Variants in EXT1 observed in about 807,000 individuals in gnomAD.
EXT1 encodes exostosin glycosyltransferase 1.
In EXT1, 20 loss-of-function variants were observed where a neutral mutation model predicts 82.5. The observed-to-expected ratio is 0.24, with a 90% CI of 0.17 to 0.35. EXT1 has a LOEUF of 0.35. Among genes scored for constraint, EXT1 ranks in the 10% least tolerant of loss-of-function variants. The probability of loss-of-function intolerance (pLI) is 1.00; values close to 1 mark genes in which losing one functional copy is unlikely to be tolerated. For synonymous variants in EXT1, 348 were observed against 350.8 expected, an observed-to-expected ratio of 0.99 and a Z score of 0.09; for missense variants, 757 against 936.5, an observed-to-expected ratio of 0.81 and a Z score of 2.50.
Position 118,045,104 on chromosome 8 carries a change from G to A in EXT1, c.962+64981C>T, listed in dbSNP as rs184121694. On this transcript the variant is annotated intron_variant, in intron 1 of 10. Transcript: ENST00000378204. Reference sequence around the variant, plus strand: ...TTCAACAAAACAAAAGCTTTCTAATGACCTTAAAACTCTAGAGTAGGAACA... The same window carrying A: ...TTCAACAAAACAAAAGCTTTCTAATAACCTTAAAACTCTAGAGTAGGAACA... 5.5e-4 allele frequency among the ~76,000 whole-genome samples: 84 copies of A among 152,284 alleles called. 1 individual carries two copies. Among genetic ancestry groups the A allele is most frequent in the Middle Eastern group, 3.4e-3 (1 of 294 alleles).
chr8:118,079,953 G>A (rs905912331), intron 1 of EXT1, among the ~76,000 whole-genome samples: 7 of 152,280 alleles, frequency 4.6e-5, no homozygotes, highest in Middle Eastern at 3.4e-3. Flanking sequence ...ATAAACTCAG[G>A]GAAGCCAGAT....
In EXT1 at chr8:117,996,839, A is replaced by G. The variant is rs1364303867; in HGVS notation, c.962+113246T>C. On this transcript the variant is annotated intron_variant, in intron 1 of 10. Coordinates refer to ENST00000378204, the MANE Select transcript of EXT1 (RefSeq NM_000127.3). ...CACAATTGAACACTCAATCTCTGTC[A>G]TTGAACATCTTAGCCCATTCTGGGC... 4.7e-4 allele frequency among the ~76,000 whole-genome samples: 71 copies of G among 152,220 alleles called. 2 individuals carry two copies. Among genetic ancestry groups the G allele is most frequent in the Non-Finnish European group, 1.2e-4 (8 of 68,046 alleles).
At chr8:117,880,736 G>A (rs569598196) in intron 1 of EXT1, among the ~76,000 whole-genome samples, 67 of 151,790 alleles carry the variant, frequency 4.4e-4, no homozygotes, top group Non-Finnish European at 7.1e-4. Context: ...GACTACAGGC[G>A]CCCGCCACCA....
At chr8:117,944,404 A>T (rs1256104470) in intron 1 of EXT1, among the ~76,000 whole-genome samples, 1 of 152,104 alleles carries the variant, frequency 6.6e-6, no homozygotes, top group Non-Finnish European at 1.5e-5. Flanking sequence ...AAAAACAAAT[A>T]AAAAAGTGAA....
At chr8:117,886,979 C>A (rs1280064389) in intron 1 of EXT1, among the ~76,000 whole-genome samples, 1 of 152,154 alleles carries the variant, frequency 6.6e-6, no homozygotes, top group Admixed American at 6.5e-5. Flanking sequence ...TGACTTTTGG[C>A]AGGATAACTG....
At chr8:118,037,642 G>C (rs1213330361) in intron 1 of EXT1, among the ~76,000 whole-genome samples, 1 of 152,078 alleles carries the variant, frequency 6.6e-6, no homozygotes, top group Admixed American at 6.6e-5. Context: ...TATAGAGTAT[G>C]CTTTATACAG....
chr8:117,891,382 G>A (rs1324337648), intron 1 of EXT1, among the ~76,000 whole-genome samples: 1 of 152,106 alleles, frequency 6.6e-6, no homozygotes, highest in Non-Finnish European at 1.5e-5. Flanking sequence ...TGCCAAACAA[G>A]ACTATGAGAA....
intron 1 of EXT1, among the ~76,000 whole-genome samples, chr8:118,001,341 G>T (rs944344685): frequency 6.6e-6 from 1 of 152,070 alleles, no homozygotes; most frequent in Admixed American, 6.5e-5. Flanking sequence ...TGTGCCACCA[G>T]GCCTGGCTAA....
chr8:118,070,224 T>TTG (rs1387281142), intron 1 of EXT1, among the ~76,000 whole-genome samples: 3 of 121,510 alleles, frequency 2.5e-5, no homozygotes, highest in South Asian at 6.0e-4. Context: ...CATCATAAAT[T>TTG]TCTGTGTGTG....
intron 1 of EXT1, among the ~76,000 whole-genome samples, chr8:117,914,766 T>C (rs573264135): frequency 1.3e-5 from 2 of 152,334 alleles, no homozygotes; most frequent in South Asian, 4.1e-4. Context: ...TTCTCTACTC[T>C]CGAACCCTGT....
In EXT1 at chr8:118,111,086, G is replaced by T. The variant is rs751658040; in HGVS notation, c.-40C>A. 1 of 1,551,176 alleles carries T rather than the reference G, an allele frequency of 6.4e-7. No individual in the cohort carries two copies. The highest frequency in any genetic ancestry group is 1.7e-4 in the Middle Eastern group (1 of 5,938). On this transcript the variant is annotated 5_prime_UTR_variant, in exon 1 of 11. Transcript: ENST00000378204. ...TCAAGAGGATTGTAAATAAACACAA[G>T]AATCACCCAAGTTTCCCAATCAACA...
At chr8:117,891,346 C>A (rs1373962735) in intron 1 of EXT1, among the ~76,000 whole-genome samples, 1 of 152,148 alleles carries the variant, frequency 6.6e-6, no homozygotes, top group African/African-American at 2.4e-5. Context: ...AAACTCCTAT[C>A]ATTAAATTTA....
chr8:117,998,762 T>C (rs1430823595), intron 1 of EXT1, among the ~76,000 whole-genome samples: 1 of 152,210 alleles, frequency 6.6e-6, no homozygotes, highest in Non-Finnish European at 1.5e-5. Flanking sequence ...AGGGCTAACT[T>C]GTAAAACCCC....
intron 1 of EXT1, among the ~76,000 whole-genome samples, chr8:118,032,027 C>A (rs1186607715): frequency 2.6e-5 from 4 of 151,530 alleles, no homozygotes; most frequent in Non-Finnish European, 5.9e-5. Flanking sequence ...AAGTGCCACA[C>A]CCTTGCAGTG....
intron 1 of EXT1, among the ~76,000 whole-genome samples, chr8:118,048,973 G>A (rs962873320): frequency 6.6e-6 from 1 of 152,074 alleles, no homozygotes; most frequent in Admixed American, 6.6e-5. Flanking sequence ...ATCGTCATAA[G>A]CCAATAACAA....
chr8:117,834,739 G>A (rs776725912), intron 3 of EXT1, among the ~76,000 whole-genome samples: 2 of 151,992 alleles, frequency 1.3e-5, no homozygotes, highest in African/African-American at 2.4e-5. Flanking sequence ...TAAAGTGTAT[G>A]GTACAACAAA....
At chr8:117,844,164 T>C (rs1451142192) in intron 1 of EXT1, among the ~76,000 whole-genome samples, 1 of 149,876 alleles carries the variant, frequency 6.7e-6, no homozygotes, top group Non-Finnish European at 1.5e-5. Context: ...ATTATTATTA[T>C]TATTTTGAGA....
intron 1 of EXT1, among the ~76,000 whole-genome samples, chr8:118,030,800 G>A (rs1279169961): frequency 6.6e-6 from 1 of 152,084 alleles, no homozygotes; most frequent in Non-Finnish European, 1.5e-5. Flanking sequence ...GCTTCTTGAG[G>A]TCTTGGCTTC....
At chr8:117,993,375 G>A (rs2129793120) in intron 1 of EXT1, among the ~76,000 whole-genome samples, 1 of 152,330 alleles carries the variant, frequency 6.6e-6, no homozygotes, top group South Asian at 2.1e-4. Context: ...TGGCCCGGCA[G>A]GATACAGCCA....
Sources: gnomAD v4.1 joint callset for allele counts (sites outside exome capture counted in the v4.1 genomes callset) on GRCh38, gnomAD v4.1.1 for gene constraint, MANE v1.5 for transcripts, NCBI Gene and HGNC (gene_info 2026-07-23, HGNC 2026-07-21) for gene names.